IRF8: variants seen among roughly 807,000 people sequenced by gnomAD.
IRF8 encodes the protein interferon consensus sequence binding protein 1.
A neutral mutation model predicts 48.7 loss-of-function variants in IRF8; 14 were observed. The ratio of observed to expected loss-of-function variants is 0.29; its 90% CI spans 0.19 to 0.45. The LOEUF (loss-of-function observed/expected upper bound fraction) is 0.45. Among genes scored for constraint, IRF8 ranks in the 20% least tolerant of loss-of-function variants. The probability of loss-of-function intolerance (pLI) is 1.00; values close to 1 mark genes in which losing one functional copy is unlikely to be tolerated. For synonymous variants in IRF8, 278 were observed against 227.3 expected (o/e 1.22, Z -2.01); for missense variants, 493 against 580.7 (o/e 0.85, Z 1.55).
At chr16:85,909,621 T>G (rs1905089927) in intron 3 of IRF8, 1 of 218,814 alleles carries the variant, frequency 4.6e-6, no homozygotes, top group South Asian at 7.0e-5. Context: ...TATGCCTCAG[T>G]GTGTTACTAG....
Position 85,918,666 on chromosome 16 carries a change from G to T in IRF8, c.851G>T (p.Arg284Leu). Residue 284 changes from arginine (R) to leucine (L), a missense_variant, in exon 7 of 9, where the codon CGG becomes CTG. Arg to Leu is a moderately radical substitution (Grantham distance 102). Coordinates refer to ENST00000268638, the MANE Select transcript of IRF8 (RefSeq NM_002163.4). The part of the protein sequence containing the change: ...LERGVLLHSS[R>L]QGVFVKRLCQ... ...CGCGGGGTGCTGCTGCACAGCAGCC[G>T]GCAGGGCGTGTTCGTCAAGCGGCTG... 6.2e-7 allele frequency: 1 copy of T among 1,610,872 alleles called. No individual in the cohort carries two copies. Among genetic ancestry groups the T allele is most frequent in the East Asian group, 2.2e-5 (1 of 44,884 alleles).
intron 6 of IRF8, among the ~76,000 whole-genome samples, chr16:85,918,000 T>G (rs1361835060): frequency 6.6e-6 from 1 of 152,244 alleles, no homozygotes; most frequent in Non-Finnish European, 1.5e-5. Flanking sequence ...ATTGAGCATT[T>G]CCTTTTGTTA....
At position 85,921,230 on chromosome 16, in the gene IRF8, G is replaced by T; in HGVS notation, c.1229G>T (p.Cys410Phe). The T allele has an allele frequency of 6.2e-7, 1 of 1,614,174 alleles. No homozygotes were observed. The highest frequency in any genetic ancestry group is 1.3e-5 in the African/African-American group (1 of 75,058). ...DQVFRMFPDI[C>F]ASHQRSFFRE... ...GTCTTCCGGATGTTTCCAGATATTT[G>T]TGCCTCACACCAGAGATCATTTTTC... Residue 410 changes from cysteine to phenylalanine, a missense_variant, in exon 9 of 9, where the codon TGT becomes TTT. Around this residue, in one of 3 missense-constraint regions of IRF8, gnomAD observed 408 missense variants for 449.6 expected, o/e 0.91. Transcript: ENST00000268638.
chr16:85,921,167 C>G lies in IRF8; in HGVS notation c.1166C>G (p.Ser389Cys). The G allele has an allele frequency of 6.2e-7, 1 of 1,614,220 alleles. No homozygotes were observed. Among genetic ancestry groups the G allele is most frequent in the Non-Finnish European group, 8.5e-7 (1 of 1,180,046 alleles). ...EEAGKSCGAG[S>C]VMQAPEEPPP... ...GCTGGGAAGAGCTGTGGAGCCGGCT[C>G]TGTGATGCAGGCCCCCGAGGAGCCG... Residue 389 changes from serine (S) to cysteine (C), a missense_variant, in exon 9 of 9, where the codon TCT (serine) becomes TGT (cysteine). By Grantham distance (112) the Ser-to-Cys change is moderately radical. Around this residue, in one of 3 missense-constraint regions of IRF8, gnomAD observed 408 missense variants for 449.6 expected, o/e 0.91. Coordinates refer to ENST00000268638, the MANE Select transcript of IRF8 (RefSeq NM_002163.4).
chr16:85,915,528 G>T (rs903213155), intron 6 of IRF8, among the ~76,000 whole-genome samples: 1 of 152,260 alleles, frequency 6.6e-6, no homozygotes, highest in Non-Finnish European at 1.5e-5. Context: ...TTTGAGCTGG[G>T]GGGTTGTTTT....
At chr16:85,920,474 G>A (rs970151266) in intron 8 of IRF8, among the ~76,000 whole-genome samples, 2 of 152,098 alleles carry the variant, frequency 1.3e-5, no homozygotes, top group Non-Finnish European at 2.9e-5. Context: ...TCTTGATCTT[G>A]TGATCCTCCC....
chr16:85,902,322 C>G (rs192691736), intron 1 of IRF8, among the ~76,000 whole-genome samples: 2 of 152,190 alleles, frequency 1.3e-5, no homozygotes, highest in Non-Finnish European at 2.9e-5. Flanking sequence ...CATCTGAATT[C>G]TCTTACAACC....
At chr16:85,916,061 C>A (rs1319975633) in intron 6 of IRF8, among the ~76,000 whole-genome samples, 2 of 152,130 alleles carry the variant, frequency 1.3e-5, no homozygotes, top group Non-Finnish European at 2.9e-5. Context: ...GCTGTGTAGA[C>A]CATAGTCTGT....
chr16:85,902,774 G>A, intron 1 of IRF8: 1 of 542,016 alleles, frequency 1.8e-6, no homozygotes, highest in Non-Finnish European at 3.2e-6. Context: ...GGGGCCTGCA[G>A]GGGGCTGCTG....
chr16:85,911,024 G>A (rs935134806), intron 3 of IRF8, among the ~76,000 whole-genome samples: 6 of 152,214 alleles, frequency 3.9e-5, no homozygotes, highest in Non-Finnish European at 5.9e-5. Flanking sequence ...GGCGGTTTGT[G>A]ATTACGGCTG....
intron 1 of IRF8, among the ~76,000 whole-genome samples, chr16:85,899,461 T>C (rs1904752158): frequency 1.3e-5 from 2 of 152,366 alleles, no homozygotes; most frequent in Admixed American, 6.5e-5. Context: ...GATAGATGCC[T>C]TTTTAAAAAT....
intron 7 of IRF8, among the ~76,000 whole-genome samples, 155 bp downstream of exon 7, chr16:85,918,958 G>A (rs753350497): frequency 2.2e-4 from 33 of 152,204 alleles, no homozygotes; most frequent in Admixed American, 5.2e-4. Flanking sequence ...CCTTTGAATG[G>A]CACTCTGCCC....
At position 85,911,588 on chromosome 16, in the gene IRF8, C is replaced by G. The variant is rs1435382258; in HGVS notation, c.377C>G (p.Thr126Ser). 6.2e-7 allele frequency: 1 copy of G among 1,613,998 alleles called. No individual in the cohort carries two copies. Among genetic ancestry groups the G allele is most frequent in the African/African-American group, 1.3e-5 (1 of 74,936 alleles). ...EEQKCKLGVA[T>S]AGCVNEVTEM... ...TCTGTAGGCAAACTAGGCGTGGCAACTGCTGGCTGCGTGAATGAAGTTACA... is the reference window on the plus strand; with the variant it reads ...TCTGTAGGCAAACTAGGCGTGGCAAGTGCTGGCTGCGTGAATGAAGTTACA... Residue 126 changes from threonine to serine, a missense_variant, in exon 4 of 9, where the codon ACT becomes AGT. Physicochemically the swap from Thr to Ser is moderately conservative, Grantham distance 58. This residue lies in a region of IRF8 where 408 missense variants were observed against 449.6 expected (regional missense o/e 0.91). Coordinates refer to ENST00000268638, the MANE Select transcript of IRF8 (RefSeq NM_002163.4).
In IRF8 at chr16:85,921,456, G is replaced by C; in HGVS notation, c.*174G>C. 1 of 712,946 alleles carries C rather than the reference G, an allele frequency of 1.4e-6. No individual in the cohort carries two copies. The highest frequency in any genetic ancestry group is 1.6e-5 in the South Asian group (1 of 61,714). 44.2% of individuals were successfully genotyped at this position (712,946 alleles called of 1,614,324 possible). A position where few individuals can be genotyped will look rare whatever the true frequency, so the allele number is the denominator to read the frequency against. ...AGTAGACGTTTAATACGAAGTGGCG[G>C]CATAGCCCTGCCGAGATGTCGGTGA... is the stretch of plus-strand genomic sequence containing the variant. On this transcript the variant is annotated 3_prime_UTR_variant, in exon 9 of 9. Coordinates refer to ENST00000268638, the MANE Select transcript of IRF8 (RefSeq NM_002163.4).
intron 1 of IRF8, among the ~76,000 whole-genome samples, chr16:85,899,982 C>G (rs1904777489): frequency 6.6e-6 from 1 of 152,296 alleles, no homozygotes; most frequent in South Asian, 2.1e-4. Context: ...TGGCCCCCCA[C>G]TTTCTTTTTT....
chr16:85,903,239 C>A, intron 2 of IRF8, 50 bp downstream of exon 2: 1 of 1,501,800 alleles, frequency 6.7e-7, no homozygotes, highest in East Asian at 2.3e-5. Flanking sequence ...TCTCCTTTCC[C>A]TCATGGACTA....
At chr16:85,904,514 C>T (rs1197240065) in intron 2 of IRF8, among the ~76,000 whole-genome samples, 2 of 152,240 alleles carry the variant, frequency 1.3e-5, no homozygotes, top group Admixed American at 1.3e-4. Context: ...ACGTCTCTGC[C>T]TGACCGATGT....
chr16:85,899,587 A>G (rs146874220), intron 1 of IRF8, among the ~76,000 whole-genome samples: 1 of 152,232 alleles, frequency 6.6e-6, no homozygotes, highest in East Asian at 1.9e-4. Context: ...AAATTCTACC[A>G]CGTGGAATAA....
chr16:85,919,845 T>C (rs1180621222), intron 7 of IRF8, among the ~76,000 whole-genome samples: 3 of 152,092 alleles, frequency 2.0e-5, no homozygotes, highest in Non-Finnish European at 2.9e-5. Context: ...ATGCACGAAT[T>C]GAGAGATAAG....
Sources: gnomAD v4.1 joint callset for allele counts (sites outside exome capture counted in the v4.1 genomes callset) on GRCh38, gnomAD v4.1.1 for gene constraint, gnomAD v4.1.1 regional missense constraint, MANE v1.5 for transcripts, NCBI Gene and HGNC (gene_info 2026-07-23, HGNC 2026-07-21) for gene names.